LUZP2: variants seen among roughly 807,000 people sequenced by gnomAD.
LUZP2 encodes leucine zipper protein 2.
In LUZP2, 52 loss-of-function variants were observed where a neutral mutation model predicts 51.6. That is an observed-to-expected ratio of 1.01 (90% confidence interval 0.81 to 1.27). The LOEUF is 1.27. LUZP2 is among the 50% of genes most tolerant of loss of function. LUZP2 has a pLI of 0.00. For synonymous variants in LUZP2, 154 were observed against 137.3 expected (o/e 1.12, Z -0.85); for missense variants, 436 against 395.4 (o/e 1.10, Z -0.87).
At chr11:24,891,944 T>C (rs1852868754) in intron 5 of LUZP2, 1 of 985,506 alleles carries the variant, frequency 1.0e-6, no homozygotes, top group Non-Finnish European at 1.2e-6. Context: ...AAATGGCTTA[T>C]TTGCTTTGAT....
chr11:24,846,949 A>G (rs1851220505), intron 5 of LUZP2, among the ~76,000 whole-genome samples: 2 of 151,806 alleles, frequency 1.3e-5, no homozygotes, highest in African/African-American at 4.8e-5. Flanking sequence ...ATATATACAC[A>G]TATGTACGTA....
At chr11:24,514,282 G>T (rs1197577930) in intron 1 of LUZP2, among the ~76,000 whole-genome samples, 1 of 152,154 alleles carries the variant, frequency 6.6e-6, no homozygotes, top group Non-Finnish European at 1.5e-5. Flanking sequence ...AAGAGAGAAA[G>T]AAATAGATGG....
intron 1 of LUZP2, among the ~76,000 whole-genome samples, chr11:24,668,784 A>G (rs1856301648): frequency 6.6e-6 from 1 of 152,192 alleles, no homozygotes; most frequent in Admixed American, 6.5e-5. Context: ...TTCTCTCATA[A>G]GAAATGAAAT....
intron 1 of LUZP2, among the ~76,000 whole-genome samples, chr11:24,546,992 G>A (rs1170014648): frequency 8.1e-6 from 1 of 124,174 alleles, no homozygotes; most frequent in Non-Finnish European, 1.8e-5. Context: ...TGGTGGTGGT[G>A]GTGGTTGGTA....
chr11:24,664,491 A>G (rs1172861938), intron 1 of LUZP2, among the ~76,000 whole-genome samples: 1 of 151,996 alleles, frequency 6.6e-6, no homozygotes, highest in African/African-American at 2.4e-5. Flanking sequence ...ACAAGGGGGG[A>G]AAATGTCTCC....
intron 7 of LUZP2, among the ~76,000 whole-genome samples, chr11:24,974,301 T>A (rs1051471962): frequency 1.3e-5 from 2 of 152,110 alleles, no homozygotes; most frequent in African/African-American, 4.8e-5. Flanking sequence ...TTTTCCTCCA[T>A]CCATTTATTT....
intron 5 of LUZP2, among the ~76,000 whole-genome samples, chr11:24,850,695 A>T (rs528426074): frequency 1.3e-5 from 2 of 152,174 alleles, no homozygotes; most frequent in Non-Finnish European, 2.9e-5. Context: ...CACTGAATCT[A>T]TAAATTACTT....
chr11:24,741,323 T>C (rs1859132046), intron 4 of LUZP2, among the ~76,000 whole-genome samples: 1 of 152,092 alleles, frequency 6.6e-6, no homozygotes, highest in African/African-American at 2.4e-5. Flanking sequence ...ATTTTTACTG[T>C]TATTAAAAAC....
chr11:24,831,532 T>C (rs1033257649), intron 5 of LUZP2, among the ~76,000 whole-genome samples: 2 of 152,072 alleles, frequency 1.3e-5, no homozygotes, highest in Non-Finnish European at 2.9e-5. Context: ...GAAAAGAAAA[T>C]GTATGAAATA....
intron 5 of LUZP2, among the ~76,000 whole-genome samples, chr11:24,894,256 C>T (rs1398522209): frequency 1.4e-5 from 2 of 147,600 alleles, no homozygotes; most frequent in Admixed American, 1.4e-4. Context: ...CTCACTACAA[C>T]CTCCGCCTCC....
At chr11:25,077,817 C>T (rs1859358184) in intron 11 of LUZP2, among the ~76,000 whole-genome samples, 1 of 152,110 alleles carries the variant, frequency 6.6e-6, no homozygotes, top group Non-Finnish European at 1.5e-5. Flanking sequence ...ATTTAACACT[C>T]TTCTCTCTTG....
At chr11:24,773,076 G>A (rs1266257042) in intron 5 of LUZP2, among the ~76,000 whole-genome samples, 1 of 94,094 alleles carries the variant, frequency 1.1e-5, no homozygotes, top group Non-Finnish European at 2.4e-5. Flanking sequence ...CTCATAAACA[G>A]TGTAGTTTTT....
intron 1 of LUZP2, among the ~76,000 whole-genome samples, chr11:24,509,577 T>A (rs919052069): frequency 4.0e-5 from 6 of 149,430 alleles, no homozygotes; most frequent in Non-Finnish European, 8.9e-5. Context: ...CTCATAGACA[T>A]CTTTCACTTT....
At chr11:24,669,412 T>A (rs550381020) in intron 1 of LUZP2, among the ~76,000 whole-genome samples, 11 of 152,164 alleles carry the variant, frequency 7.2e-5, no homozygotes, top group Non-Finnish European at 1.0e-4. Flanking sequence ...CCGAATGCTT[T>A]CCTAATTGGT....
intron 1 of LUZP2, among the ~76,000 whole-genome samples, chr11:24,565,291 G>A (rs1320296751): frequency 6.6e-6 from 1 of 152,114 alleles, no homozygotes; most frequent in Non-Finnish European, 1.5e-5. Flanking sequence ...CCTCAAGACA[G>A]GAACTATTTT....
chr11:24,596,413 A>C (rs560988991), intron 1 of LUZP2, among the ~76,000 whole-genome samples: 1 of 152,198 alleles, frequency 6.6e-6, no homozygotes, highest in Non-Finnish European at 1.5e-5. Context: ...AAACTTAATG[A>C]GAGATTTGTA....
rs1038334802 is a variant in LUZP2 at position 24,666,089 on chromosome 11, C to T, written c.63-63080C>T. 6.6e-5 allele frequency among the ~76,000 whole-genome samples: 10 copies of T among 152,146 alleles called. No homozygotes were observed. The East Asian group carries it at 1.5e-3, about 23-fold the overall frequency. ...TTACCAGAAGAATTTTACTAACTTACATTCAGAGCAAGTATGAAGTCTCCA... is the reference window on the plus strand; with the variant it reads ...TTACCAGAAGAATTTTACTAACTTATATTCAGAGCAAGTATGAAGTCTCCA... On this transcript the variant is annotated intron_variant, in intron 1 of 11. Coordinates refer to ENST00000336930, the MANE Select transcript of LUZP2 (RefSeq NM_001009909.4).
At position 25,073,867 on chromosome 11, in the gene LUZP2, G is replaced by A. The variant is rs376093151; in HGVS notation, c.859-3462G>A. Reference sequence around the variant, plus strand: ...AGAAAAAAAGGAACGATCACTATTTGTTAATCCATGCTGAATACCTGTTTA... The same window carrying A: ...AGAAAAAAAGGAACGATCACTATTTATTAATCCATGCTGAATACCTGTTTA... On this transcript the variant is annotated intron_variant, in intron 10 of 11. Transcript: ENST00000336930. Among the ~76,000 whole-genome samples, 14 of 152,202 alleles carry A rather than the reference G, an allele frequency of 9.2e-5. No individual in the cohort carries two copies. The East Asian group carries it at 1.4e-3, about 15-fold the overall frequency.
chr11:24,905,914 C>A, intron 5 of LUZP2, 77 bp from the exon 6 acceptor site: 1 of 1,025,486 alleles, frequency 9.8e-7, no homozygotes. Flanking sequence ...GAACATAAAG[C>A]AATAATGTTG....
Sources: allele counts gnomAD v4.1 joint callset (sites outside exome capture counted in the v4.1 genomes callset), GRCh38; gene constraint gnomAD v4.1.1; transcripts MANE v1.5; gene names NCBI Gene and HGNC (gene_info 2026-07-23, HGNC 2026-07-21).